FRMD4B: variants seen among roughly 807,000 people sequenced by gnomAD.
The protein encoded by FRMD4B is FERM domain-containing protein 4B.
A neutral mutation model predicts 141.5 loss-of-function variants in FRMD4B; 74 were observed. That is an observed-to-expected ratio of 0.52 (90% confidence interval 0.43 to 0.63). FRMD4B has a LOEUF of 0.63. FRMD4B is among the 30% of genes least tolerant of loss of function. The pLI, the probability that FRMD4B is intolerant of heterozygous loss-of-function variation, is 0.00. For synonymous variants in FRMD4B, 506 were observed against 467.9 expected (o/e 1.08, Z -1.05); for missense variants, 1,366 against 1,253.4 (o/e 1.09, Z -1.36).
At chr3:69,536,724 A>T in intron 1 of FRMD4B, 1 of 647,202 alleles carries the variant, frequency 1.5e-6, no homozygotes, top group Non-Finnish European at 2.8e-6. Context: ...CAGTTATGGT[A>T]AGGACTTCCT....
At chr3:69,298,267 T>A (rs1701097400) in intron 4 of FRMD4B, among the ~76,000 whole-genome samples, 1 of 152,248 alleles carries the variant, frequency 6.6e-6, no homozygotes, top group Non-Finnish European at 1.5e-5. Context: ...CATAATGTTT[T>A]GCAAAATCAT....
At chr3:69,333,843 T>C (rs1702457076) in intron 1 of FRMD4B, 1 of 152,206 alleles carries the variant, frequency 6.6e-6, no homozygotes, top group South Asian at 2.1e-4. Context: ...CACATTTTTG[T>C]TGGGGAGAGG....
chr3:69,437,905 A>C (rs1364382310), intron 1 of FRMD4B, among the ~76,000 whole-genome samples: 1 of 135,174 alleles, frequency 7.4e-6, no homozygotes, highest in Non-Finnish European at 1.5e-5. Context: ...ATATACTATT[A>C]TTGTATAATA....
At chr3:69,328,194 C>T (rs747867203) in intron 1 of FRMD4B, among the ~76,000 whole-genome samples, 1 of 152,186 alleles carries the variant, frequency 6.6e-6, no homozygotes, top group Non-Finnish European at 1.5e-5. Flanking sequence ...TATGAACTTA[C>T]AATGAAATAA....
intron 1 of FRMD4B, among the ~76,000 whole-genome samples, chr3:69,338,435 A>G (rs540579718): frequency 2.9e-4 from 44 of 152,294 alleles, no homozygotes; most frequent in Non-Finnish European, 5.4e-4. Flanking sequence ...GTGCACATGT[A>G]CCCTAAAACT....
chr3:69,493,336 C>T (rs1423425115), intron 1 of FRMD4B, among the ~76,000 whole-genome samples: 2 of 152,114 alleles, frequency 1.3e-5, no homozygotes, highest in Non-Finnish European at 2.9e-5. Context: ...AGGCAGATAA[C>T]GTAAGTGTAT....
chr3:69,509,780 C>T (rs748096332), intron 1 of FRMD4B, among the ~76,000 whole-genome samples: 1 of 151,810 alleles, frequency 6.6e-6, no homozygotes, highest in Non-Finnish European at 1.5e-5. Flanking sequence ...TCTATTGGTG[C>T]CATTTTTCCA....
At position 69,195,160 on chromosome 3, in the gene FRMD4B, T is replaced by C. The variant is rs753186779; in HGVS notation, c.1369-19A>G. The C allele has an allele frequency of 2.5e-6, 4 of 1,613,742 alleles. No homozygotes were observed. The highest frequency in any genetic ancestry group is 2.7e-5 in the African/African-American group (2 of 74,928). The stretch of plus-strand genomic sequence containing the variant: ...TGAGCTCCTGTAAAACAGGACAGAA[T>C]CAAGAGCAGATAATTGACACTGGCC... On this transcript the variant is annotated intron_variant, in intron 15 of 22. Transcript: ENST00000398540.
intron 1 of FRMD4B, among the ~76,000 whole-genome samples, chr3:69,378,564 G>C (rs915642271): frequency 1.3e-5 from 2 of 152,134 alleles, no homozygotes; most frequent in East Asian, 3.9e-4. Context: ...CCCCATTTAT[G>C]CTGACTGATA....
At chr3:69,451,642 C>T (rs1377358468) in intron 1 of FRMD4B, among the ~76,000 whole-genome samples, 3 of 152,212 alleles carry the variant, frequency 2.0e-5, no homozygotes, top group Admixed American at 2.0e-4. Context: ...GTTTGTAGCT[C>T]AGCAATCCTC....
intron 2 of FRMD4B, among the ~76,000 whole-genome samples, chr3:69,427,186 T>C (rs1035727383): frequency 3.3e-5 from 5 of 151,310 alleles, no homozygotes; most frequent in African/African-American, 1.2e-4. Context: ...CAGGAAGCAT[T>C]AACCCCTCAA....
intron 1 of FRMD4B, among the ~76,000 whole-genome samples, chr3:69,519,271 G>T (rs1202348733): frequency 6.6e-6 from 1 of 152,204 alleles, no homozygotes; most frequent in Non-Finnish European, 1.5e-5. Flanking sequence ...TAGCCAAGTG[G>T]AGTGTGAATG....
chr3:69,383,918 G>T (rs1287521508), intron 1 of FRMD4B, among the ~76,000 whole-genome samples: 1 of 151,558 alleles, frequency 6.6e-6, no homozygotes, highest in Non-Finnish European at 1.5e-5. Context: ...ATTTTGAAAT[G>T]TACAATTGAT....
At chr3:69,324,626 T>C (rs970966805) in intron 1 of FRMD4B, among the ~76,000 whole-genome samples, 3 of 152,230 alleles carry the variant, frequency 2.0e-5, no homozygotes, top group African/African-American at 4.8e-5. Flanking sequence ...ATCACCTCTT[T>C]TGAGAACAAC....
chr3:69,448,231 T>C (rs1705439365), intron 1 of FRMD4B, among the ~76,000 whole-genome samples: 1 of 152,120 alleles, frequency 6.6e-6, no homozygotes, highest in East Asian at 1.9e-4. Flanking sequence ...TGTTTCACCA[T>C]GTTAGCCAGG....
chr3:69,198,972 C>T (rs1300667129), intron 11 of FRMD4B, 198 bp from the exon 12 acceptor site: 1 of 566,868 alleles, frequency 1.8e-6, no homozygotes, highest in Non-Finnish European at 3.2e-6. Context: ...CAATCTTTAA[C>T]TATTAAGATT....
chr3:69,215,546 CT>C (rs1395017028), intron 11 of FRMD4B, among the ~76,000 whole-genome samples: 1 of 151,926 alleles, frequency 6.6e-6, no homozygotes, highest in Admixed American at 6.6e-5. Flanking sequence ...CCACCTTGGC[CT>C]CCCAAAGTGC....
rs187345773 is a variant in FRMD4B, at chr3:69,394,982, C to T, written c.-1+37652G>A. On this transcript the variant is annotated intron_variant, in intron 2 of 5. Coordinates refer to the FRMD4B transcript ENST00000459638. Reference sequence around the variant, plus strand: ...GTTGAACAATGAGAACACCTGGACACGGGGAGGAGAACATCACACACCGGG... The same window carrying T: ...GTTGAACAATGAGAACACCTGGACATGGGGAGGAGAACATCACACACCGGG... Among the ~76,000 whole-genome samples the T allele has an allele frequency of 4.4e-3, 676 of 152,050 alleles. 5 individuals are homozygous for T. The highest frequency in any genetic ancestry group is 0.013 in the African/African-American group (555 of 41,470).
At chr3:69,454,206 T>A (rs1163666613) in intron 1 of FRMD4B, among the ~76,000 whole-genome samples, 1 of 152,180 alleles carries the variant, frequency 6.6e-6, no homozygotes, top group African/African-American at 2.4e-5. Flanking sequence ...TCCTGTCCCA[T>A]GTGTAGAAGG....
Sources: allele counts gnomAD v4.1 joint callset (sites outside exome capture counted in the v4.1 genomes callset), GRCh38; gene constraint gnomAD v4.1.1; transcripts MANE v1.5; gene names NCBI Gene and HGNC (gene_info 2026-07-23, HGNC 2026-07-21).